The following ADGRV1 variants were observed in gnomAD, a reference collection of about 807,000 sequenced individuals.
The protein encoded by ADGRV1 is adhesion G protein-coupled receptor V1, also known as G-protein coupled receptor 98.
ADGRV1 carries 359 observed loss-of-function variants against 596.2 expected under a neutral mutation model. That is an observed-to-expected ratio of 0.60 (90% CI 0.55 to 0.66). ADGRV1 has a LOEUF of 0.66. ADGRV1 is among the 30% of genes least tolerant of loss of function. The pLI, the probability that ADGRV1 is intolerant of heterozygous loss-of-function variation, is 0.00. For synonymous variants in ADGRV1, 2,681 were observed against 2,679.2 expected (o/e 1.00, Z -0.02); for missense variants, 7,274 against 7,575.6 (o/e 0.96, Z 1.48).
rs138361506 is a variant in ADGRV1 at position 90,967,115 on chromosome 5, G to A, written c.17973+1584G>A. ...TTGTTTTCCCCAGTATGATATGATAGTAGTGGGGGCTGAAGAAGAGAACTG... is the reference window on the plus strand; with the variant it reads ...TTGTTTTCCCCAGTATGATATGATAATAGTGGGGGCTGAAGAAGAGAACTG... On this transcript the variant is annotated intron_variant, in intron 84 of 89. Transcript: ENST00000405460. Among the ~76,000 whole-genome samples, 433 of 152,270 alleles carry A rather than the reference G, an allele frequency of 2.8e-3. 1 individual carries two copies. Among genetic ancestry groups the A allele is most frequent in the African/African-American group, 0.01 (419 of 41,552 alleles).
rs1014130500 is a variant in ADGRV1 at position 91,000,617 on chromosome 5, G to T, written c.18152+15095G>T. 1.3e-5 allele frequency among the ~76,000 whole-genome samples: 2 copies of T among 150,212 alleles called. 1 individual carries two copies. Among genetic ancestry groups the T allele is most frequent in the Non-Finnish European group, 3.0e-5 (2 of 67,698 alleles). On this transcript the variant is annotated intron_variant, in intron 85 of 89. Coordinates refer to ENST00000405460, the MANE Select transcript of ADGRV1 (RefSeq NM_032119.4). The stretch of plus-strand genomic sequence containing the variant: ...TTAGGTTGATGCAAAAGTAATTGTG[G>T]TTTTTGCCATTACTTTTGGTGACTC...
At chr5:90,850,454 C>G (rs533760504) in intron 79 of ADGRV1, among the ~76,000 whole-genome samples, 1 of 152,284 alleles carries the variant, frequency 6.6e-6, no homozygotes, top group Non-Finnish European at 1.5e-5. Flanking sequence ...ATAAATGTCT[C>G]TAATGCTGTC....
chr5:91,043,409 A>G (rs1425226491), intron 85 of ADGRV1, among the ~76,000 whole-genome samples: 2 of 152,052 alleles, frequency 1.3e-5, no homozygotes, highest in Non-Finnish European at 1.5e-5. Flanking sequence ...TCTTGCTACC[A>G]CTTTTGTAAG....
chr5:91,125,276 C>T (rs138867970), intron 87 of ADGRV1, among the ~76,000 whole-genome samples: 44 of 152,244 alleles, frequency 2.9e-4, no homozygotes, highest in African/African-American at 9.6e-4. Context: ...GCTGACATGG[C>T]GTACAAACAG....
intron 78 of ADGRV1, among the ~76,000 whole-genome samples, chr5:90,843,560 A>C (rs1765612996): frequency 1.3e-5 from 2 of 152,234 alleles, no homozygotes; most frequent in Non-Finnish European, 2.9e-5. Flanking sequence ...AAAGTAGCAG[A>C]AAACGTGGAT....
At chr5:90,881,480 T>C (rs1392380963) in intron 83 of ADGRV1, among the ~76,000 whole-genome samples, 2 of 152,196 alleles carry the variant, frequency 1.3e-5, no homozygotes, top group Non-Finnish European at 2.9e-5. Flanking sequence ...CAAATCTTCA[T>C]TAGAGTCTTA....
At chr5:91,066,124 T>C (rs1787864228) in intron 85 of ADGRV1, among the ~76,000 whole-genome samples, 1 of 152,234 alleles carries the variant, frequency 6.6e-6, no homozygotes, top group African/African-American at 2.4e-5. Flanking sequence ...TTTTCTCTTC[T>C]CATATCTGCC....
At chr5:91,078,296 C>T (rs1789032541) in intron 86 of ADGRV1, among the ~76,000 whole-genome samples, 3 of 151,938 alleles carry the variant, frequency 2.0e-5, no homozygotes, top group Non-Finnish European at 4.4e-5. Context: ...TTACTCTTGT[C>T]GTTTTTAAAA....
At chr5:90,782,806 A>G (rs1259681102) in intron 65 of ADGRV1, among the ~76,000 whole-genome samples, 1 of 152,094 alleles carries the variant, frequency 6.6e-6, no homozygotes, top group Non-Finnish European at 1.5e-5. Context: ...TTTTGTATCC[A>G]TCTAACATTG....
intron 87 of ADGRV1, among the ~76,000 whole-genome samples, chr5:91,116,947 A>G (rs1209215601): frequency 6.6e-6 from 1 of 152,200 alleles, no homozygotes; most frequent in Non-Finnish European, 1.5e-5. Flanking sequence ...TTTTGTTTGC[A>G]TGTTGATTGC....
intron 52 of ADGRV1, among the ~76,000 whole-genome samples, chr5:90,750,095 A>G (rs982342669): frequency 6.6e-6 from 1 of 152,194 alleles, no homozygotes; most frequent in Non-Finnish European, 1.5e-5. Flanking sequence ...CATATAGGTC[A>G]AGCTCTTCTT....
chr5:91,153,149 A>G lies in ADGRV1; in HGVS notation c.18625-72A>G. Reference sequence around the variant, plus strand: ...ACGGAGAGGCAGAGATCAATTGTCCATTTGGGTTTCATAGTGAATGTGTAT... The same window carrying G: ...ACGGAGAGGCAGAGATCAATTGTCCGTTTGGGTTTCATAGTGAATGTGTAT... On this transcript the variant is annotated intron_variant, in intron 88 of 89. Transcript: ENST00000405460. 6.2e-6 allele frequency: 8 copies of G among 1,299,082 alleles called. No individual in the cohort carries two copies. In the South Asian group the frequency reaches 7.8e-5, roughly 13 times the overall value. The allele number at this position is 1,299,082 out of a possible 1,614,324, so 80.5% of individuals were successfully genotyped here.
intron 21 of ADGRV1, among the ~76,000 whole-genome samples, chr5:90,662,188 T>TTC (rs1491386521): frequency 1.1e-4 from 2 of 18,622 alleles, no homozygotes; most frequent in East Asian, 7.2e-3. Flanking sequence ...GTTAAACAAC[T>TTC]TTTTTTTTTT....
chr5:90,788,184 G>C lies in ADGRV1; in HGVS notation c.13767G>C (p.Val4589=). 6.2e-7 allele frequency: 1 copy of C among 1,613,862 alleles called. No homozygotes were observed. The highest frequency in any genetic ancestry group is 8.5e-7 in the Non-Finnish European group (1 of 1,179,808). Residue 4589 remains valine (V), a synonymous_variant, in exon 68 of 90, where the codon GTG becomes GTC. Transcript: ENST00000405460. ...ATTTTGGAGAAGGAGAAGGAGGAGT[G>C]AGAACCATAATTCTGACAATCTATC... is the stretch of plus-strand genomic sequence containing the variant. The part of the protein sequence containing the change: ...LFYFGEGEGG[V]RTIILTIYPH...
chr5:90,636,091 A>C (rs1334191916), intron 10 of ADGRV1, among the ~76,000 whole-genome samples: 1 of 152,010 alleles, frequency 6.6e-6, no homozygotes, highest in Non-Finnish European at 1.5e-5. Context: ...TTATATATAC[A>C]ATATATGTAA....
intron 82 of ADGRV1, among the ~76,000 whole-genome samples, chr5:90,863,469 A>G (rs1199431856): frequency 1.3e-5 from 2 of 152,204 alleles, no homozygotes; most frequent in African/African-American, 2.4e-5. Flanking sequence ...CTAGTAGATA[A>G]AAAAGGGGTA....
chr5:90,651,768 G>A (rs768054434), intron 18 of ADGRV1, 38 bp downstream of exon 18: 3 of 1,315,482 alleles, frequency 2.3e-6, no homozygotes, highest in South Asian at 2.6e-5. Context: ...AAAATTGGGT[G>A]AAATAAAACC....
intron 43 of ADGRV1, among the ~76,000 whole-genome samples, chr5:90,719,101 G>A (rs577028183): frequency 5.3e-5 from 8 of 152,124 alleles, no homozygotes; most frequent in Middle Eastern, 6.8e-3. Flanking sequence ...GGGGCTAGGC[G>A]GGCGGATCAC....
At chr5:90,686,937 G>C (rs1256044360) in intron 29 of ADGRV1, among the ~76,000 whole-genome samples, 1 of 152,180 alleles carries the variant, frequency 6.6e-6, no homozygotes, top group East Asian at 1.9e-4. Context: ...TCTCATTGTG[G>C]TTTTGATTTG....
Sources: gnomAD v4.1 joint callset for allele counts (sites outside exome capture counted in the v4.1 genomes callset) on GRCh38, gnomAD v4.1.1 for gene constraint, MANE v1.5 for transcripts, NCBI Gene and HGNC (gene_info 2026-07-23, HGNC 2026-07-21) for gene names.